The following SP3 variants were observed in gnomAD, a reference collection of about 807,000 sequenced individuals.
SP3 encodes the protein Sp3 transcription factor.
SP3 carries 10 observed loss-of-function variants against 70.3 expected under a neutral mutation model. That is an observed-to-expected ratio of 0.14 (90% confidence interval 0.09 to 0.24). The LOEUF is 0.24. Among genes scored for constraint, SP3 ranks in the 10% least tolerant of loss-of-function variants. SP3 has a pLI of 1.00. For missense variants in SP3, 825 were observed against 914.6 expected (o/e 0.90, Z 1.26); for synonymous variants, 402 against 333.5 (o/e 1.21, Z -2.24).
chr2:173,910,979 A>G (rs193266198), intron 6 of SP3, among the ~76,000 whole-genome samples: 7 of 152,346 alleles, frequency 4.6e-5, no homozygotes, highest in Non-Finnish European at 7.3e-5. Context: ...CAAAAGGCCA[A>G]CCTAAAAGGA....
rs1430216089 is a variant in SP3 at position 173,901,676 on chromosome 2, CAGTT to C, written c.*8261_*8264del. 1.4e-5 allele frequency among the ~76,000 whole-genome samples: 2 copies of C among 141,746 alleles called. No individual in the cohort carries two copies. The highest frequency in any genetic ancestry group is 2.2e-4 in the East Asian group (1 of 4,540). The allele number at this position is 141,746 out of a possible 152,430, so 93.0% of individuals were successfully genotyped here. On this transcript the variant is annotated 3_prime_UTR_variant, in exon 7 of 7. Transcript: ENST00000310015. The stretch of plus-strand genomic sequence containing the variant: ...TTGGATAAAATGAACAGCAGGGAAA[CAGTT>C]AGTTGGACTTAAGCCTTTTTTTTTT...
chr2:173,963,165 C>T (rs1407370131), intron 3 of SP3: 1 of 151,184 alleles, frequency 6.6e-6, no homozygotes, highest in African/African-American at 2.4e-5. Context: ...TTTCATTTAC[C>T]CCCCTTACAA....
intron 4 of SP3, among the ~76,000 whole-genome samples, chr2:173,945,704 T>G (rs1027629899): frequency 6.6e-6 from 1 of 152,274 alleles, no homozygotes; most frequent in Non-Finnish European, 1.5e-5. Flanking sequence ...ATTATGAAAA[T>G]AGCTTTGACT....
chr2:173,962,726 T>C (rs548696763), intron 3 of SP3, among the ~76,000 whole-genome samples: 8 of 152,318 alleles, frequency 5.3e-5, no homozygotes, highest in East Asian at 1.9e-4. Context: ...TCAGTGACTA[T>C]TGAAAGTATC....
intron 3 of SP3, among the ~76,000 whole-genome samples, chr2:173,962,246 T>TC (rs1486051327): frequency 6.6e-6 from 1 of 152,124 alleles, no homozygotes; most frequent in African/African-American, 2.4e-5. Context: ...CCTTCTCCCC[T>TC]CCCCCATCTG....
intron 4 of SP3, among the ~76,000 whole-genome samples, chr2:173,923,176 T>C (rs1397106595): frequency 6.6e-6 from 1 of 152,154 alleles, no homozygotes; most frequent in African/African-American, 2.4e-5. Flanking sequence ...CACCTCAAAA[T>C]GTTTAAGTTT....
chr2:173,911,195 T>G (rs1689472387), intron 6 of SP3, among the ~76,000 whole-genome samples: 2 of 152,172 alleles, frequency 1.3e-5, no homozygotes, highest in East Asian at 3.8e-4. Context: ...GACCAAATTT[T>G]ATTACATCAG....
At chr2:173,956,508 A>T (rs1046489311) in intron 3 of SP3, among the ~76,000 whole-genome samples, 1 of 152,218 alleles carries the variant, frequency 6.6e-6, no homozygotes, top group South Asian at 2.1e-4. Flanking sequence ...TGCATCTATG[A>T]TCTCTAACAC....
At chr2:173,923,221 T>A (rs972876643) in intron 4 of SP3, among the ~76,000 whole-genome samples, 2 of 152,106 alleles carry the variant, frequency 1.3e-5, no homozygotes, top group African/African-American at 2.4e-5. Context: ...ACTGACAGTA[T>A]CTCTGTCCTG....
At chr2:173,949,138 C>G (rs1439749708) in intron 4 of SP3, among the ~76,000 whole-genome samples, 1 of 152,114 alleles carries the variant, frequency 6.6e-6, no homozygotes, top group African/African-American at 2.4e-5. Context: ...TCTAAAAAGA[C>G]CACATTTCCA....
At chr2:173,938,017 C>T (rs185943003) in intron 4 of SP3, among the ~76,000 whole-genome samples, 8 of 152,140 alleles carry the variant, frequency 5.3e-5, no homozygotes, top group Admixed American at 2.0e-4. Context: ...CTCATATGCA[C>T]GTAAGACTAA....
At chr2:173,923,930 A>G (rs1019306397) in intron 4 of SP3, among the ~76,000 whole-genome samples, 1 of 152,102 alleles carries the variant, frequency 6.6e-6, no homozygotes, top group Non-Finnish European at 1.5e-5. Context: ...TGGATATTTC[A>G]GAGGTACCAA....
At position 173,955,035 on chromosome 2, in the gene SP3, G is replaced by C; in HGVS notation, c.1477C>G (p.Gln493Glu). ...GCAACTTGACCAAGTGTGAGGGTTT[G>C]AACAGGCGTCAAAGTTATTTGTTGG... ...AAQQITLTPV[Q>E]TLTLGQVAAG... Residue 493 changes from glutamine to glutamate, a missense_variant, in exon 4 of 7, where the codon CAA becomes GAA. Transcript: ENST00000310015. The C allele has an allele frequency of 6.2e-7, 1 of 1,614,192 alleles. No homozygotes were observed.
intron 3 of SP3, among the ~76,000 whole-genome samples, chr2:173,963,558 G>A (rs943120761): frequency 2.6e-5 from 4 of 152,156 alleles, no homozygotes; most frequent in African/African-American, 9.6e-5. Context: ...GCGAGGTGCT[G>A]CAGTGACAAT....
In SP3 at chr2:173,904,328, T is replaced by G. The variant is rs1464368922; in HGVS notation, c.*5613A>C. On this transcript the variant is annotated 3_prime_UTR_variant, in exon 7 of 7. Coordinates refer to ENST00000310015, the MANE Select transcript of SP3 (RefSeq NM_003111.5). ...TTCTATAGGATCAAGTCATCAACTC[T>G]ATGGTGTTTTACGAGAGAATATACT... 6.6e-6 allele frequency among the ~76,000 whole-genome samples: 1 copy of G among 152,116 alleles called. No individual in the cohort carries two copies. Among genetic ancestry groups the G allele is most frequent in the African/African-American group, 2.4e-5 (1 of 41,416 alleles).
At chr2:173,936,202 T>G (rs1559099737) in intron 4 of SP3, among the ~76,000 whole-genome samples, 1 of 152,052 alleles carries the variant, frequency 6.6e-6, no homozygotes, top group Non-Finnish European at 1.5e-5. Flanking sequence ...TTTTTTTCTA[T>G]TTTTAGTAGA....
intron 5 of SP3, chr2:173,915,566 A>G (rs1574398090): frequency 6.6e-6 from 1 of 152,304 alleles, no homozygotes; most frequent in African/African-American, 2.4e-5. Flanking sequence ...AGTGGAAGCT[A>G]AACTGTGGGT....
At chr2:173,933,353 A>G (rs1307621842) in intron 4 of SP3, among the ~76,000 whole-genome samples, 1 of 152,118 alleles carries the variant, frequency 6.6e-6, no homozygotes, top group African/African-American at 2.4e-5. Context: ...TAATAGCATC[A>G]CAGGGCTAAT....
chr2:173,959,773 T>A (rs1054057872), intron 3 of SP3, among the ~76,000 whole-genome samples: 13 of 151,842 alleles, frequency 8.6e-5, no homozygotes, highest in South Asian at 2.1e-4. Context: ...AAAATAAAAA[T>A]AAAAAAAATT....
Sources: allele counts gnomAD v4.1 joint callset (sites outside exome capture counted in the v4.1 genomes callset), GRCh38; gene constraint gnomAD v4.1.1; transcripts MANE v1.5; gene names NCBI Gene and HGNC (gene_info 2026-07-23, HGNC 2026-07-21).